AP2B1: variants seen among roughly 807,000 people sequenced by gnomAD.
AP2B1 encodes AP-2 complex subunit beta.
In AP2B1, 23 loss-of-function variants were observed where a neutral mutation model predicts 102.0. The observed-to-expected ratio is 0.23, with a 90% CI of 0.16 to 0.32. The LOEUF is 0.32. Among genes scored for constraint, AP2B1 ranks in the 10% least tolerant of loss-of-function variants. AP2B1 has a pLI of 1.00. For synonymous variants in AP2B1, 381 were observed against 421.2 expected, an observed-to-expected ratio of 0.90 and a Z score of 1.17; for missense variants, 541 against 1,157.4, an observed-to-expected ratio of 0.47 and a Z score of 7.73.
At chr17:35,708,344 A>G (rs1032651195) in intron 18 of AP2B1, among the ~76,000 whole-genome samples, 1 of 152,160 alleles carries the variant, frequency 6.6e-6, no homozygotes, top group Non-Finnish European at 1.5e-5. Flanking sequence ...TTCTTACAGT[A>G]TAAGGGCCTT....
chr17:35,715,299 AAG>A (rs1194771983), intron 20 of AP2B1, among the ~76,000 whole-genome samples: 100 of 152,250 alleles, frequency 6.6e-4, no homozygotes, highest in African/African-American at 2.3e-3. Context: ...GAGTGAGAAT[AAG>A]AGAGAGAGAG....
In AP2B1 at chr17:35,627,833, G is replaced by A; in HGVS notation, c.1155+107G>A. 4 of 902,726 alleles carry A rather than the reference G, an allele frequency of 4.4e-6. No homozygotes were observed. In the South Asian group the frequency reaches 6.1e-5, roughly 14 times the overall value. 55.9% of individuals were successfully genotyped at this position (902,726 alleles called of 1,614,324 possible). ...GTTTATCAAAATAATAAAGCACACAGTTTCAATGTTAAAGAATTTTTAATG... is the reference window on the plus strand; with the variant it reads ...GTTTATCAAAATAATAAAGCACACAATTTCAATGTTAAAGAATTTTTAATG... On this transcript the variant is annotated intron_variant, in intron 9 of 21. Coordinates refer to ENST00000610402, the MANE Select transcript of AP2B1 (RefSeq NM_001030006.2).
At chr17:35,682,499 C>T (rs775627492) in intron 17 of AP2B1, among the ~76,000 whole-genome samples, 196 bp from the exon 18 acceptor site, 5 of 151,676 alleles carry the variant, frequency 3.3e-5, no homozygotes, top group Admixed American at 1.3e-4. Context: ...CCCGCCACCA[C>T]GCCCGGCTAA....
chr17:35,646,110 T>A (rs535597795), intron 12 of AP2B1, among the ~76,000 whole-genome samples: 88 of 152,320 alleles, frequency 5.8e-4, no homozygotes, highest in African/African-American at 2.0e-3. Flanking sequence ...CACATTATAG[T>A]TTAAGAATTA....
chr17:35,590,190 T>C (rs573557233), intron 1 of AP2B1, among the ~76,000 whole-genome samples: 11 of 152,338 alleles, frequency 7.2e-5, no homozygotes, highest in African/African-American at 2.6e-4. Context: ...AGTGCTGGGA[T>C]TACAGGCGTG....
intron 15 of AP2B1, 77 bp from the exon 16 acceptor site, chr17:35,671,677 A>T: frequency 7.1e-7 from 1 of 1,417,954 alleles, no homozygotes. Context: ...AAAACTACTA[A>T]GATATATAGC....
intron 1 of AP2B1, among the ~76,000 whole-genome samples, chr17:35,588,362 G>T (rs1376698570): frequency 6.6e-6 from 1 of 151,892 alleles, no homozygotes; most frequent in Non-Finnish European, 1.5e-5. Flanking sequence ...GTCTGGTCTC[G>T]AACTCCTGGG....
chr17:35,716,933 A>T (rs1906251171), intron 20 of AP2B1, among the ~76,000 whole-genome samples: 1 of 152,224 alleles, frequency 6.6e-6, no homozygotes, highest in African/African-American at 2.4e-5. Flanking sequence ...CCAATATCAT[A>T]ATCTCCAAAG....
intron 11 of AP2B1, among the ~76,000 whole-genome samples, chr17:35,640,019 C>G (rs994732041): frequency 6.6e-6 from 1 of 152,084 alleles, no homozygotes; most frequent in Non-Finnish European, 1.5e-5. Flanking sequence ...TGGGTTCAAG[C>G]GATTCTCCTG....
At chr17:35,685,519 A>G (rs756191779) in intron 18 of AP2B1, among the ~76,000 whole-genome samples, 3 of 152,240 alleles carry the variant, frequency 2.0e-5, no homozygotes, top group Non-Finnish European at 4.4e-5. Context: ...TTCTAGTACT[A>G]CAGACCATAA....
chr17:35,675,026 G>T (rs764785732), intron 17 of AP2B1, among the ~76,000 whole-genome samples: 2 of 152,200 alleles, frequency 1.3e-5, no homozygotes, highest in Non-Finnish European at 2.9e-5. Context: ...TCACATTTTG[G>T]TGGGGGAAAT....
At chr17:35,614,112 C>G (rs868811346) in intron 5 of AP2B1, among the ~76,000 whole-genome samples, 4 of 152,118 alleles carry the variant, frequency 2.6e-5, no homozygotes, top group Admixed American at 6.6e-5. Context: ...AGTTAACTTA[C>G]GTATATTAGA....
chr17:35,622,483 T>C (rs1460553100), intron 5 of AP2B1, among the ~76,000 whole-genome samples: 1 of 152,346 alleles, frequency 6.6e-6, no homozygotes, highest in East Asian at 1.9e-4. Context: ...AATAGCTAGA[T>C]TGTAGTCATT....
chr17:35,722,387 C>G (rs2143015484), intron 21 of AP2B1, among the ~76,000 whole-genome samples: 1 of 152,242 alleles, frequency 6.6e-6, no homozygotes, highest in Non-Finnish European at 1.5e-5. Context: ...TTACATTTAT[C>G]AGAATTGTCT....
At chr17:35,617,231 T>C (rs1283319698) in intron 5 of AP2B1, among the ~76,000 whole-genome samples, 1 of 152,166 alleles carries the variant, frequency 6.6e-6, no homozygotes, top group Non-Finnish European at 1.5e-5. Context: ...AAGTTTTGTA[T>C]TTTTAGTAGA....
chr17:35,605,835 G>A lies in AP2B1; in HGVS notation c.274G>A (p.Val92Met). The change falls in exon 4 of 22, where the codon GTG (valine) becomes ATG (methionine). Residue 92 changes from valine (V) to methionine (M), a missense_variant. Physicochemically the swap from Val to Met is conservative, Grantham distance 21. Transcript: ENST00000610402. ...GGCCATCATGGCTGTAAACAGCTTT[G>A]TGAAGGTAACTTTTCCCAAGGCCTC... ...DMAIMAVNSF[V>M]KDCEDPNPLI... The A allele has an allele frequency of 1.2e-6, 2 of 1,608,550 alleles. No individual in the cohort carries two copies. The highest frequency in any genetic ancestry group is 1.7e-6 in the Non-Finnish European group (2 of 1,178,372).
rs765747346 is a variant in AP2B1 at position 35,627,490 on chromosome 17, A to T, written c.1044A>T (p.Gln348His). ...KLDIMIRLASQANIAQVLAEL... is the reference protein window; with the variant it reads ...KLDIMIRLASHANIAQVLAEL... The stretch of plus-strand genomic sequence containing the variant: ...ACATCATGATTCGTTTGGCATCTCA[A>T]GCCAACATTGCTCAGGTCAGACTTT... Residue 348 changes from glutamine (Q) to histidine (H), a missense_variant, in exon 8 of 22, where the codon CAA (glutamine) becomes CAT (histidine). Gln to His is a conservative substitution (Grantham distance 24). Around this residue, in one of 10 missense-constraint regions of AP2B1, gnomAD observed 134 missense variants for 250.2 expected, o/e 0.54. Coordinates refer to ENST00000610402, the MANE Select transcript of AP2B1 (RefSeq NM_001030006.2). 6 of 1,613,980 alleles carry T rather than the reference A, an allele frequency of 3.7e-6. No individual in the cohort carries two copies. The highest frequency in any genetic ancestry group is 5.1e-6 in the Non-Finnish European group (6 of 1,180,012).
At chr17:35,633,992 A>G (rs1331807031) in intron 9 of AP2B1, among the ~76,000 whole-genome samples, 2 of 151,966 alleles carry the variant, frequency 1.3e-5, no homozygotes, top group Admixed American at 1.3e-4. Context: ...ACTAAAAATA[A>G]AAAAATTAGC....
chr17:35,696,230 G>A lies in AP2B1; in HGVS notation c.2455-12994G>A, dbSNP rs1442064932. ...GACCTTTTAATTGACTATTGTCCTT[G>A]TCTGGAATGTGCCTTCTCCTAGTCT... On this transcript the variant is annotated intron_variant, in intron 18 of 21. Coordinates refer to ENST00000610402, the MANE Select transcript of AP2B1 (RefSeq NM_001030006.2). Among the ~76,000 whole-genome samples, 4 of 151,872 alleles carry A rather than the reference G, an allele frequency of 2.6e-5. No individual in the cohort carries two copies. The South Asian group carries it at 8.3e-4, about 32-fold the overall frequency.
Sources: allele counts gnomAD v4.1 joint callset (sites outside exome capture counted in the v4.1 genomes callset), GRCh38; gene constraint gnomAD v4.1.1; regional missense constraint gnomAD v4.1.1; transcripts MANE v1.5; gene names NCBI Gene and HGNC (gene_info 2026-07-23, HGNC 2026-07-21).